The following SV2C variants were observed in gnomAD, a reference collection of about 807,000 sequenced individuals.
SV2C encodes synaptic vesicle glycoprotein 2C.
A neutral mutation model predicts 79.7 loss-of-function variants in SV2C; 49 were observed. The observed-to-expected ratio is 0.61, with a 90% CI of 0.49 to 0.78. The LOEUF is 0.78. SV2C is among the 30% of genes least tolerant of loss of function. The pLI, the probability that SV2C is intolerant of heterozygous loss-of-function variation, is 0.00. For missense variants in SV2C, 833 were observed against 912.9 expected (o/e 0.91, Z 1.13); for synonymous variants, 334 against 333.2 (o/e 1.00, Z -0.03).
At chr5:76,138,725 A>G (rs902354211) in intron 2 of SV2C, among the ~76,000 whole-genome samples, 9 of 152,242 alleles carry the variant, frequency 5.9e-5, no homozygotes, top group Admixed American at 1.3e-4. Context: ...GGTACATAAT[A>G]GGATCTCAAC....
intron 12 of SV2C, among the ~76,000 whole-genome samples, chr5:76,321,551 G>A (rs943161419): frequency 5.3e-5 from 8 of 151,934 alleles, no homozygotes; most frequent in Admixed American, 2.6e-4. Flanking sequence ...ACCATCCTGG[G>A]CAATATGATG....
the SV2C span, among the ~76,000 whole-genome samples, chr5:75,952,276 TTCCTTCCTTCC>T: frequency 7.2e-6 from 1 of 138,736 alleles, no homozygotes; most frequent in African/African-American, 2.5e-5. Context: ...CCTTCCTTCC[TTCCTTCCTTCC>T]TTTCTTCCTT....
chr5:75,999,501 G>A, the SV2C span, among the ~76,000 whole-genome samples: 3 of 152,026 alleles, frequency 2.0e-5, no homozygotes, highest in Admixed American at 2.0e-4. Context: ...AAAGCCCATG[G>A]TGTAATTCTG....
the SV2C span, among the ~76,000 whole-genome samples, chr5:75,915,871 G>A: frequency 6.6e-6 from 1 of 152,126 alleles, no homozygotes; most frequent in Admixed American, 6.5e-5. Context: ...TCAAGGCAGG[G>A]GACATTCTGA....
chr5:75,897,458 T>G, the SV2C span, among the ~76,000 whole-genome samples: 1 of 151,982 alleles, frequency 6.6e-6, no homozygotes, highest in South Asian at 2.1e-4. Context: ...CCATGCTGTT[T>G]TGGTTACTGT....
At chr5:76,067,088 T>C in the SV2C span, among the ~76,000 whole-genome samples, 1 of 152,232 alleles carries the variant, frequency 6.6e-6, no homozygotes, top group African/African-American at 2.4e-5. Context: ...AATTAACTAA[T>C]ACATAATTTT....
At chr5:76,336,859 G>A (rs1220738093), downstream of SV2C, among the ~76,000 whole-genome samples, 4 of 152,220 alleles carry the variant, frequency 2.6e-5, no homozygotes, top group Non-Finnish European at 5.9e-5. Context: ...AGGGATGATG[G>A]CAAGTACAGG....
At chr5:75,929,444 T>TG in the SV2C span, among the ~76,000 whole-genome samples, 1 of 151,926 alleles carries the variant, frequency 6.6e-6, no homozygotes, top group African/African-American at 2.4e-5. Flanking sequence ...CTGGCCTCTA[T>TG]GGCCTCTAGG....
At position 76,350,541 on chromosome 5, in the gene SV2C, G is replaced by T. The variant is rs115850546; in HGVS notation, c.2001-2589G>T. On this transcript the variant is annotated intron_variant, in intron 12 of 12. Transcript: ENST00000322285. Reference sequence around the variant, plus strand: ...ATAACACCACGGAGGCCTAGAGACAGCAGGTTGCTGACTGGTGCAAGTATC... The same window carrying T: ...ATAACACCACGGAGGCCTAGAGACATCAGGTTGCTGACTGGTGCAAGTATC... Among the ~76,000 whole-genome samples the T allele has an allele frequency of 9.3e-3, 1,417 of 152,350 alleles. 20 individuals are homozygous for T. Among genetic ancestry groups the T allele is most frequent in the African/African-American group, 0.032 (1,340 of 41,580 alleles).
chr5:76,085,844 C>T (rs1747173638), intron 1 of SV2C, among the ~76,000 whole-genome samples: 1 of 151,802 alleles, frequency 6.6e-6, no homozygotes, highest in Non-Finnish European at 1.5e-5. Flanking sequence ...CACACACACA[C>T]ACACACACAC....
Position 76,239,173 on chromosome 5 carries a change from A to C in SV2C, c.913+29286A>C, listed in dbSNP as rs569313813. Among the ~76,000 whole-genome samples, 8 of 152,212 alleles carry C rather than the reference A, an allele frequency of 5.3e-5. No homozygotes were observed. In the East Asian group the frequency reaches 1.5e-3, roughly 29 times the overall value. On this transcript the variant is annotated intron_variant, in intron 4 of 12. Transcript: ENST00000502798. ...TTCCTCTGTCTGCTTGCTGTCTTCC[A>C]AAATCTTGTCGAGATCTCATCCCTC...
At chr5:76,203,606 C>T (rs1744519085) in intron 3 of SV2C, among the ~76,000 whole-genome samples, 1 of 152,112 alleles carries the variant, frequency 6.6e-6, no homozygotes, top group Non-Finnish European at 1.5e-5. Context: ...CATAGACCTC[C>T]ACAGTTTTAG....
At chr5:76,169,905 G>T (rs902943445) in intron 2 of SV2C, among the ~76,000 whole-genome samples, 1 of 152,162 alleles carries the variant, frequency 6.6e-6, no homozygotes, top group Non-Finnish European at 1.5e-5. Flanking sequence ...CCCAAAGAAG[G>T]TCAGAGATGT....
chr5:76,214,306 G>A (rs563251733), intron 4 of SV2C, among the ~76,000 whole-genome samples: 1 of 152,198 alleles, frequency 6.6e-6, no homozygotes, highest in East Asian at 1.9e-4. Flanking sequence ...TCCTTATGGG[G>A]TACTCTTGGT....
At chr5:75,857,763 T>G in the SV2C span, among the ~76,000 whole-genome samples, 2 of 152,234 alleles carry the variant, frequency 1.3e-5, no homozygotes, top group African/African-American at 4.8e-5. Flanking sequence ...CCATTTTTTG[T>G]GTCCTCTTCA....
At chr5:75,883,967 A>G in the SV2C span, among the ~76,000 whole-genome samples, 2 of 152,124 alleles carry the variant, frequency 1.3e-5, no homozygotes, top group African/African-American at 4.8e-5. Context: ...AACTTTCACA[A>G]TGGTATTATT....
At chr5:76,189,188 A>AT (rs1165445556) in intron 2 of SV2C, among the ~76,000 whole-genome samples, 1 of 151,010 alleles carries the variant, frequency 6.6e-6, no homozygotes, top group Non-Finnish European at 1.5e-5. Flanking sequence ...TTGTCCAAGG[A>AT]TTTTTCTAGC....
At chr5:76,265,943 G>A (rs564065188) in intron 4 of SV2C, among the ~76,000 whole-genome samples, 13 of 152,270 alleles carry the variant, frequency 8.5e-5, no homozygotes, top group African/African-American at 2.4e-4. Context: ...ATGCCCTCAA[G>A]ACTGATTTTT....
the SV2C span, among the ~76,000 whole-genome samples, chr5:76,004,718 G>A: frequency 6.6e-6 from 1 of 152,076 alleles, no homozygotes; most frequent in Non-Finnish European, 1.5e-5. Context: ...CATTATTTAT[G>A]TGATCTCTTG....
Sources: gnomAD v4.1 joint callset for allele counts (sites outside exome capture counted in the v4.1 genomes callset) on GRCh38, gnomAD v4.1.1 for gene constraint, MANE v1.5 for transcripts, NCBI Gene and HGNC (gene_info 2026-07-23, HGNC 2026-07-21) for gene names.